Variants in GRM3 observed in about 807,000 individuals in gnomAD.
GRM3 encodes the protein glutamate metabotropic receptor 3, also known as metabotropic glutamate receptor 3.
In GRM3, 26 loss-of-function variants were observed where a neutral mutation model predicts 70.5. The observed-to-expected ratio is 0.37, with a 90% confidence interval of 0.27 to 0.51. GRM3 has a LOEUF of 0.51. Among genes scored for constraint, GRM3 ranks in the 20% least tolerant of loss-of-function variants. The pLI is 0.93. For missense variants in GRM3, 859 were observed against 1,123.8 expected (o/e 0.76, Z 3.37); for synonymous variants, 443 against 434.9 (o/e 1.02, Z -0.23).
At chr7:86,787,594 G>A (rs895456342) in intron 3 of GRM3, among the ~76,000 whole-genome samples, 3 of 152,138 alleles carry the variant, frequency 2.0e-5, no homozygotes, top group Non-Finnish European at 4.4e-5. Context: ...TGTTCTCCCA[G>A]AGCATAATTA....
chr7:86,769,063 C>G (rs992104102), intron 2 of GRM3, among the ~76,000 whole-genome samples: 5 of 152,098 alleles, frequency 3.3e-5, no homozygotes, highest in Non-Finnish European at 7.4e-5. Context: ...TTAAGGCCCT[C>G]TTTTACACTA....
chr7:86,823,345 T>C (rs192349111), intron 3 of GRM3, among the ~76,000 whole-genome samples: 259 of 152,180 alleles, frequency 1.7e-3, no homozygotes, highest in African/African-American at 4.8e-3. Context: ...CCTTTTTTTT[T>C]CCTCTTCTCT....
intron 1 of GRM3, among the ~76,000 whole-genome samples, chr7:86,758,556 T>A (rs1201178371): frequency 6.6e-6 from 1 of 152,020 alleles, no homozygotes; most frequent in Non-Finnish European, 1.5e-5. Context: ...TACTGTGCAT[T>A]TTGATGCTTA....
Position 86,751,784 on chromosome 7 carries a change from C to T in GRM3, c.-140-13222C>T, listed in dbSNP as rs367785462. Reference sequence around the variant, plus strand: ...TTATAATGAGAAGGAGGCCTCTGCACGCCCATCACTCACTTGCAGTGAGGT... The same window carrying T: ...TTATAATGAGAAGGAGGCCTCTGCATGCCCATCACTCACTTGCAGTGAGGT... On this transcript the variant is annotated intron_variant, in intron 1 of 5. Coordinates refer to ENST00000361669, the MANE Select transcript of GRM3 (RefSeq NM_000840.3). Among the ~76,000 whole-genome samples the T allele has an allele frequency of 1.7e-4, 26 of 152,200 alleles. No homozygotes were observed. In the East Asian group the frequency reaches 3.1e-3, roughly 18 times the overall value.
chr7:86,821,172 G>C (rs987374941), intron 3 of GRM3, among the ~76,000 whole-genome samples: 1 of 121,028 alleles, frequency 8.3e-6, no homozygotes, highest in Non-Finnish European at 1.6e-5. Flanking sequence ...CTGAATAAAG[G>C]GTTTTTTTTA....
intron 1 of GRM3, among the ~76,000 whole-genome samples, chr7:86,677,644 T>C (rs1713320034): frequency 6.6e-6 from 1 of 152,018 alleles, no homozygotes; most frequent in Admixed American, 6.6e-5. Flanking sequence ...TCAGTCTGGC[T>C]AAGAAGGAAG....
At chr7:86,848,578 T>A (rs6978155) in intron 4 of GRM3, among the ~76,000 whole-genome samples, 11,440 of 152,098 alleles carry the variant, frequency 0.075, 583 homozygotes, top group African/African-American at 0.14. Flanking sequence ...TTGTCTCTGG[T>A]GGCTCCATTC....
chr7:86,718,905 C>T (rs79325249), intron 1 of GRM3, among the ~76,000 whole-genome samples: 6,073 of 151,962 alleles, frequency 0.04, 221 homozygotes, highest in African/African-American at 0.094. Flanking sequence ...GAGATTAAAA[C>T]TGAATCGCCA....
At chr7:86,658,356 C>T (rs1431510870) in intron 1 of GRM3, among the ~76,000 whole-genome samples, 1 of 152,176 alleles carries the variant, frequency 6.6e-6, no homozygotes, top group Non-Finnish European at 1.5e-5. Flanking sequence ...TGTCTCATCC[C>T]TTTGCCCTTA....
At chr7:86,860,499 C>T (rs886726767) in intron 5 of GRM3, among the ~76,000 whole-genome samples, 5 of 152,230 alleles carry the variant, frequency 3.3e-5, no homozygotes, top group Admixed American at 6.5e-5. Flanking sequence ...GAGTTCCCTT[C>T]GACACATTAA....
At chr7:86,763,586 C>G (rs961973126) in intron 1 of GRM3, among the ~76,000 whole-genome samples, 6 of 152,286 alleles carry the variant, frequency 3.9e-5, no homozygotes, top group Non-Finnish European at 8.8e-5. Context: ...AAGGCTTTGC[C>G]TGATTCCCAA....
chr7:86,850,249 A>C, intron 4 of GRM3, 121 bp from the exon 5 acceptor site: 1 of 648,616 alleles, frequency 1.5e-6, no homozygotes, highest in South Asian at 1.9e-5. Context: ...TTTGGCTACA[A>C]TAAGGACAGA....
chr7:86,766,366 G>A (rs1355949479), intron 2 of GRM3, among the ~76,000 whole-genome samples: 2 of 150,658 alleles, frequency 1.3e-5, no homozygotes, highest in Admixed American at 1.3e-4. Context: ...AGAGAAGCCA[G>A]AGGATTACTA....
chr7:86,799,294 A>T (rs1173916927), intron 3 of GRM3, among the ~76,000 whole-genome samples: 1 of 152,156 alleles, frequency 6.6e-6, no homozygotes, highest in Non-Finnish European at 1.5e-5. Context: ...GCATCTGCAA[A>T]CAGAGAAAGT....
intron 2 of GRM3, among the ~76,000 whole-genome samples, chr7:86,782,520 C>A (rs1797099158): frequency 6.6e-6 from 1 of 152,204 alleles, no homozygotes; most frequent in African/African-American, 2.4e-5. Context: ...CCTGCCACAT[C>A]TTCTCCTGAA....
chr7:86,862,954 A>G (rs1459960780), intron 5 of GRM3, among the ~76,000 whole-genome samples: 1 of 152,172 alleles, frequency 6.6e-6, no homozygotes, highest in African/African-American at 2.4e-5. Context: ...ACTTTGAGAT[A>G]TGCTCTTAAA....
chr7:86,675,257 G>T (rs1455469409), intron 1 of GRM3, among the ~76,000 whole-genome samples: 2 of 152,070 alleles, frequency 1.3e-5, no homozygotes, highest in South Asian at 2.1e-4. Flanking sequence ...TTTCTGGAAT[G>T]ATACCACCAT....
intron 3 of GRM3, among the ~76,000 whole-genome samples, chr7:86,829,488 A>T (rs1183046513): frequency 1.3e-5 from 2 of 152,210 alleles, no homozygotes; most frequent in African/African-American, 4.8e-5. Flanking sequence ...CCTAAGCTTA[A>T]TCGTCTCTAG....
chr7:86,677,087 T>A (rs759906259), intron 1 of GRM3, among the ~76,000 whole-genome samples: 1 of 152,000 alleles, frequency 6.6e-6, no homozygotes, highest in East Asian at 1.9e-4. Context: ...CCAGTGTTGG[T>A]ATAACTGTTT....
Sources: gnomAD v4.1 joint callset for allele counts (sites outside exome capture counted in the v4.1 genomes callset) on GRCh38, gnomAD v4.1.1 for gene constraint, MANE v1.5 for transcripts, NCBI Gene and HGNC (gene_info 2026-07-23, HGNC 2026-07-21) for gene names.